The following PTPRD variants were observed in gnomAD, a reference collection of about 807,000 sequenced individuals.
PTPRD encodes the protein receptor-type tyrosine-protein phosphatase delta.
Under a neutral mutation model 214.5 loss-of-function variants are expected in PTPRD, and 34 were observed. That is an observed-to-expected ratio of 0.16 (90% CI 0.12 to 0.21). The LOEUF (loss-of-function observed/expected upper bound fraction) is 0.21. PTPRD is among the 10% of genes least tolerant of loss of function. PTPRD has a pLI of 1.00. For synonymous variants in PTPRD, 1,128 were observed against 845.7 expected (o/e 1.33, Z -5.79); for missense variants, 2,545 against 2,398.7 (o/e 1.06, Z -1.27).
rs2096556697 is a variant in PTPRD at position 8,800,822 on chromosome 9, G to T, written c.-103-66876C>A. 2.0e-5 allele frequency among the ~76,000 whole-genome samples: 3 copies of T among 152,228 alleles called. No homozygotes were observed. In the South Asian group the frequency reaches 6.2e-4, roughly 32 times the overall value. On this transcript the variant is annotated intron_variant, in intron 11 of 45. Coordinates refer to ENST00000381196, the MANE Select transcript of PTPRD (RefSeq NM_002839.4). ...AGAACCCTCTCATGGGGTCTGGATT[G>T]GGACCCCTTTCCTGTAACAATTCCA...
intron 5 of PTPRD, among the ~76,000 whole-genome samples, chr9:9,837,063 C>A (rs559927454): frequency 6.8e-6 from 1 of 146,356 alleles, no homozygotes; most frequent in African/African-American, 2.4e-5. Context: ...TATAGTAGCT[C>A]TACATACATT....
intron 10 of PTPRD, among the ~76,000 whole-genome samples, chr9:9,045,471 T>C (rs549747910): frequency 2.9e-3 from 449 of 152,228 alleles, no homozygotes; most frequent in Non-Finnish European, 5.5e-3. Context: ...ATAAAAGCTA[T>C]TGAAGAGTAA....
At chr9:8,934,442 T>A (rs1386308946) in intron 11 of PTPRD, among the ~76,000 whole-genome samples, 589 of 43,484 alleles carry the variant, frequency 0.014, 26 homozygotes, top group Middle Eastern at 0.027. Flanking sequence ...TATAAATATA[T>A]ATATAAATTT....
intron 9 of PTPRD, among the ~76,000 whole-genome samples, chr9:9,270,680 T>C (rs1942499228): frequency 6.6e-6 from 1 of 151,456 alleles, no homozygotes; most frequent in African/African-American, 2.4e-5. Flanking sequence ...ATTTATGTTA[T>C]AGAAAGATTT....
At chr9:8,561,954 G>A (rs112523807) in intron 14 of PTPRD, among the ~76,000 whole-genome samples, 11 of 152,052 alleles carry the variant, frequency 7.2e-5, no homozygotes, top group African/African-American at 2.7e-4. Context: ...TCACTAGAAT[G>A]TTACTTATAG....
intron 2 of PTPRD, among the ~76,000 whole-genome samples, chr9:10,460,217 A>T (rs1044469709): frequency 6.6e-6 from 1 of 151,964 alleles, no homozygotes; most frequent in South Asian, 2.1e-4. Flanking sequence ...AAATACAGAT[A>T]AAAAAAATTA....
chr9:10,258,007 G>A (rs531898810), intron 3 of PTPRD, among the ~76,000 whole-genome samples: 7 of 152,252 alleles, frequency 4.6e-5, no homozygotes, highest in Middle Eastern at 3.4e-3. Context: ...GCAGGGGCAG[G>A]AAGCTTGTGG....
chr9:10,556,815 A>G (rs897554650), intron 2 of PTPRD, among the ~76,000 whole-genome samples: 2 of 152,158 alleles, frequency 1.3e-5, no homozygotes, highest in African/African-American at 4.8e-5. Context: ...GGTACAATAC[A>G]GTAAAAATAC....
chr9:9,879,291 T>C (rs1038966594), intron 5 of PTPRD, among the ~76,000 whole-genome samples: 12 of 152,136 alleles, frequency 7.9e-5, no homozygotes, highest in Admixed American at 7.2e-4. Context: ...GTGTGTAGGT[T>C]GTTTAGTAGC....
intron 3 of PTPRD, among the ~76,000 whole-genome samples, chr9:10,100,064 G>A (rs912035473): frequency 6.6e-6 from 1 of 151,582 alleles, no homozygotes; most frequent in Admixed American, 6.6e-5. Context: ...ACCTTAATGA[G>A]TAACATTATT....
chr9:10,483,457 C>T (rs987263008), intron 2 of PTPRD, among the ~76,000 whole-genome samples: 1 of 151,506 alleles, frequency 6.6e-6, no homozygotes, highest in Non-Finnish European at 1.5e-5. Context: ...AGTTTCTGTA[C>T]AGCAAAAGAA....
intron 7 of PTPRD, among the ~76,000 whole-genome samples, chr9:9,657,010 T>C (rs187479556): frequency 2.0e-3 from 312 of 152,242 alleles, no homozygotes; most frequent in African/African-American, 6.9e-3. Flanking sequence ...TTTAGCATCA[T>C]GTTTGATGTG....
chr9:10,002,981 G>C (rs899402160), intron 4 of PTPRD, among the ~76,000 whole-genome samples: 5 of 151,414 alleles, frequency 3.3e-5, no homozygotes, highest in African/African-American at 1.2e-4. Flanking sequence ...AAATTTAAAT[G>C]AAAGACCACC....
intron 3 of PTPRD, among the ~76,000 whole-genome samples, chr9:10,040,935 T>C (rs934294619): frequency 6.6e-6 from 1 of 152,068 alleles, no homozygotes; most frequent in Non-Finnish European, 1.5e-5. Flanking sequence ...AAATTTACTG[T>C]AATGTGGGTG....
intron 9 of PTPRD, among the ~76,000 whole-genome samples, chr9:9,291,577 T>C (rs1030111695): frequency 6.6e-6 from 1 of 151,424 alleles, no homozygotes; most frequent in African/African-American, 2.4e-5. Context: ...GATTAACTTG[T>C]TAATATGTTA....
intron 6 of PTPRD, among the ~76,000 whole-genome samples, chr9:9,761,449 T>C (rs1283209729): frequency 2.0e-5 from 3 of 152,152 alleles, no homozygotes; most frequent in Non-Finnish European, 2.9e-5. Context: ...CAAATGCTCG[T>C]AGTGTTGGAA....
chr9:9,094,997 C>T (rs2099781449), intron 10 of PTPRD, among the ~76,000 whole-genome samples: 1 of 152,134 alleles, frequency 6.6e-6, no homozygotes, highest in Non-Finnish European at 1.5e-5. Flanking sequence ...TGGAGATTAT[C>T]TCAAGAATGT....
chr9:9,900,644 T>TTTTTTTTGTTTTTTTTG (rs1555302327), intron 5 of PTPRD, among the ~76,000 whole-genome samples: 8 of 143,858 alleles, frequency 5.6e-5, no homozygotes, highest in Non-Finnish European at 7.4e-5. Context: ...TTTTCAGGTT[T>TTTTTTTTGTTTTTTTTG]TTTTTTTTTT....
chr9:9,880,385 G>C (rs960876018), intron 5 of PTPRD, among the ~76,000 whole-genome samples: 1 of 152,062 alleles, frequency 6.6e-6, no homozygotes, highest in Non-Finnish European at 1.5e-5. Context: ...TTAATGGCTA[G>C]CATTTAAGTG....
Sources: allele counts gnomAD v4.1 joint callset (sites outside exome capture counted in the v4.1 genomes callset), GRCh38; gene constraint gnomAD v4.1.1; transcripts MANE v1.5; gene names NCBI Gene and HGNC (gene_info 2026-07-23, HGNC 2026-07-21).